CNTNAP2: variants seen among roughly 807,000 people sequenced by gnomAD.
CNTNAP2 encodes the protein contactin-associated protein-like 2.
A neutral mutation model predicts 155.2 loss-of-function variants in CNTNAP2; 98 were observed. The observed-to-expected ratio is 0.63, with a 90% CI of 0.54 to 0.75. The LOEUF (loss-of-function observed/expected upper bound fraction) is 0.75, where lower values mean the gene tolerates loss of function less well. Among genes scored for constraint, CNTNAP2 ranks in the 30% least tolerant of loss-of-function variants. The probability of loss-of-function intolerance (pLI) is 0.00; values close to 1 mark genes in which losing one functional copy is unlikely to be tolerated. For synonymous variants in CNTNAP2, 651 were observed against 631.2 expected (o/e 1.03, Z -0.47); for missense variants, 1,727 against 1,688.1 (o/e 1.02, Z -0.40).
chr7:147,347,463 T>TATATGC (rs1554472701), intron 9 of CNTNAP2, among the ~76,000 whole-genome samples: 81 of 67,850 alleles, frequency 1.2e-3, no homozygotes, highest in African/African-American at 2.5e-3. Context: ...TATGCATATA[T>TATATGC]ATATATATAT....
rs138218099 is a variant in CNTNAP2 at position 146,769,661 on chromosome 7, A to C, written c.98-4610A>C. ...TTAATTATATGGCATCTGACACTCT[A>C]ATCATTAATCATTCTGATTCCTAAG... On this transcript the variant is annotated intron_variant, in intron 1 of 23. Transcript: ENST00000361727. Among the ~76,000 whole-genome samples the C allele has an allele frequency of 2.2e-3, 329 of 152,264 alleles. 2 individuals are homozygous for C. The highest frequency in any genetic ancestry group is 7.6e-3 in the African/African-American group (314 of 41,574).
rs540674200 is a variant in CNTNAP2, at chr7:148,048,941, G to A, written c.2384-69177G>A. 2.3e-4 allele frequency among the ~76,000 whole-genome samples: 35 copies of A among 152,200 alleles called. No individual in the cohort carries two copies. In the South Asian group the frequency reaches 6.8e-3, roughly 30 times the overall value. ...TAAAAATGTGGCTAGGCCGGGCGTG[G>A]TGGCTCGTGCCTGTAATCCCAGCAC... On this transcript the variant is annotated intron_variant, in intron 15 of 23. Transcript: ENST00000361727.
chr7:146,330,215 T>G (rs1304328691), intron 1 of CNTNAP2, among the ~76,000 whole-genome samples: 1 of 151,788 alleles, frequency 6.6e-6, no homozygotes, highest in Non-Finnish European at 1.5e-5. Context: ...AGAGACAGGG[T>G]TTCTCCATGT....
At chr7:148,058,170 G>T (rs1156828607) in intron 15 of CNTNAP2, among the ~76,000 whole-genome samples, 1 of 152,040 alleles carries the variant, frequency 6.6e-6, no homozygotes, top group East Asian at 1.9e-4. Flanking sequence ...CATGAAGAGA[G>T]AGCATGGTGT....
intron 9 of CNTNAP2, among the ~76,000 whole-genome samples, chr7:147,363,208 G>C (rs1207449716): frequency 6.6e-6 from 1 of 152,158 alleles, no homozygotes; most frequent in African/African-American, 2.4e-5. Flanking sequence ...AAGAGAAGGA[G>C]ACTAGAGCTT....
chr7:147,926,345 T>C (rs891256218), intron 14 of CNTNAP2, among the ~76,000 whole-genome samples: 1 of 152,148 alleles, frequency 6.6e-6, no homozygotes, highest in Non-Finnish European at 1.5e-5. Context: ...CTTTAAAAAT[T>C]TAGTGAATTT....
intron 3 of CNTNAP2, among the ~76,000 whole-genome samples, chr7:146,871,301 C>T (rs1016654212): frequency 1.4e-4 from 22 of 151,868 alleles, no homozygotes; most frequent in African/African-American, 3.6e-4. Flanking sequence ...GAGGCCGAGG[C>T]GGGCAGGTCA....
intron 11 of CNTNAP2, among the ~76,000 whole-genome samples, chr7:147,554,260 C>A (rs1257095594): frequency 6.6e-6 from 1 of 152,020 alleles, no homozygotes; most frequent in Non-Finnish European, 1.5e-5. Context: ...TTGTGGAGTG[C>A]AGGTCAAAGA....
At chr7:147,226,926 A>T (rs1803559656) in intron 8 of CNTNAP2, among the ~76,000 whole-genome samples, 1 of 152,246 alleles carries the variant, frequency 6.6e-6, no homozygotes, top group Non-Finnish European at 1.5e-5. Context: ...ACTCAAAAAC[A>T]GTTCTGTCCT....
chr7:147,598,339 G>A (rs571779458), intron 12 of CNTNAP2, among the ~76,000 whole-genome samples: 207 of 151,946 alleles, frequency 1.4e-3, no homozygotes, highest in African/African-American at 4.5e-3. Context: ...CCTTGCCCCC[G>A]ACCCCGCAAC....
intron 13 of CNTNAP2, among the ~76,000 whole-genome samples, chr7:147,897,697 G>A (rs993448768): frequency 2.0e-5 from 3 of 152,186 alleles, no homozygotes; most frequent in Non-Finnish European, 4.4e-5. Flanking sequence ...CCAAGACCTA[G>A]TGTAGCTTTT....
At chr7:147,379,752 G>C (rs565840948) in intron 9 of CNTNAP2, among the ~76,000 whole-genome samples, 1 of 152,006 alleles carries the variant, frequency 6.6e-6, no homozygotes, top group Non-Finnish European at 1.5e-5. Flanking sequence ...GTTTTATGTG[G>C]TGGGGCTAGG....
intron 1 of CNTNAP2, among the ~76,000 whole-genome samples, chr7:146,227,502 T>C (rs192986852): frequency 6.6e-6 from 1 of 151,504 alleles, no homozygotes; most frequent in Non-Finnish European, 1.5e-5. Context: ...ATTGGTTGAC[T>C]CTAGTTATTG....
chr7:146,727,973 G>A (rs1801459716), intron 1 of CNTNAP2, among the ~76,000 whole-genome samples: 2 of 152,042 alleles, frequency 1.3e-5, no homozygotes, highest in African/African-American at 4.8e-5. Context: ...TAAAGCACCT[G>A]CTGTTATGTT....
chr7:147,505,762 A>C (rs10952688), intron 11 of CNTNAP2, among the ~76,000 whole-genome samples: 68,716 of 152,038 alleles, frequency 0.45, 16,504 homozygotes, highest in African/African-American at 0.61. Flanking sequence ...TGTAGGTTAT[A>C]ATACACATAA....
At chr7:148,385,097 G>A (rs185655965) in intron 22 of CNTNAP2, among the ~76,000 whole-genome samples, 20 of 152,302 alleles carry the variant, frequency 1.3e-4, no homozygotes, top group Non-Finnish European at 2.6e-4. Context: ...TGCACATGGA[G>A]TGTGTGGCTT....
rs141114902 is a variant in CNTNAP2 at position 148,264,517 on chromosome 7, G to C, written c.3382-2516G>C. Among the ~76,000 whole-genome samples the C allele has an allele frequency of 9.5e-3, 1,440 of 152,050 alleles. 21 individuals are homozygous for C. Among genetic ancestry groups the C allele is most frequent in the African/African-American group, 0.033 (1,364 of 41,448 alleles). On this transcript the variant is annotated intron_variant, in intron 20 of 23. Transcript: ENST00000361727. ...AAATATACAAAACAATGTGTTACTT[G>C]GGTTCCATCCCTTTTTTATTTAAAA...
chr7:146,960,170 A>G (rs981862310), intron 3 of CNTNAP2, among the ~76,000 whole-genome samples: 4 of 152,100 alleles, frequency 2.6e-5, no homozygotes, highest in African/African-American at 9.7e-5. Context: ...CCTACTGGGG[A>G]AAAAAATAAG....
intron 10 of CNTNAP2, among the ~76,000 whole-genome samples, chr7:147,413,723 C>A (rs1797141203): frequency 1.3e-5 from 2 of 152,198 alleles, no homozygotes; most frequent in Non-Finnish European, 2.9e-5. Context: ...GCTTTTCTAA[C>A]AAGCTTCAAA....
Sources: gnomAD v4.1 joint callset for allele counts (sites outside exome capture counted in the v4.1 genomes callset) on GRCh38, gnomAD v4.1.1 for gene constraint, MANE v1.5 for transcripts, NCBI Gene and HGNC (gene_info 2026-07-23, HGNC 2026-07-21) for gene names.